Variants in SLC9A6 observed in about 807,000 individuals in gnomAD.
SLC9A6 encodes solute carrier family 9 member A6.
A neutral mutation model predicts 45.3 loss-of-function variants in SLC9A6; 6 were observed. That is an observed-to-expected ratio of 0.13 (90% CI 0.07 to 0.26). The LOEUF is 0.26. SLC9A6 is among the 10% of genes least tolerant of loss of function. SLC9A6 has a pLI of 1.00. For synonymous variants in SLC9A6, 191 were observed against 187.7 expected (o/e 1.02, Z -0.14); for missense variants, 278 against 503.7 (o/e 0.55, Z 4.29).
intron 17 of SLC9A6, 77 bp downstream of exon 17, chrX:136,040,258 T>G: frequency 1.3e-6 from 1 of 773,229 alleles, no homozygotes; most frequent in Non-Finnish European, 1.9e-6. Flanking sequence ...ACTGGTTTTA[T>G]TTTATTTTGG....
chrX:136,013,986 A>G (rs1556618981), intron 10 of SLC9A6, among the ~76,000 whole-genome samples: 1 of 112,306 alleles, frequency 8.9e-6, no homozygotes, highest in South Asian at 3.7e-4. Context: ...TCAGGGGACT[A>G]GTCAGTGGTC....
intron 11 of SLC9A6, among the ~76,000 whole-genome samples, chrX:136,019,019 A>T (rs1380433327): frequency 1.8e-5 from 2 of 111,377 alleles, no homozygotes; most frequent in African/African-American, 6.5e-5. Flanking sequence ...CACTATACTT[A>T]GTCTGGAAAC....
chrX:135,981,395 C>T (rs1310292758), upstream of SLC9A6, among the ~76,000 whole-genome samples: 1 of 111,458 alleles, frequency 9.0e-6, no homozygotes, highest in African/African-American at 3.3e-5. Context: ...CACCTCCCAC[C>T]AGGTCCCTCC....
intron 2 of SLC9A6, among the ~76,000 whole-genome samples, chrX:135,988,532 CTCTTTCTT>C (rs201422888): frequency 2.2e-5 from 2 of 89,485 alleles, no homozygotes; most frequent in Admixed American, 2.6e-4. Context: ...TTCTTTCTCT[CTCTTTCTT>C]TCTTTCTTTT....
At chrX:135,997,669 G>A (rs782054233) in intron 3 of SLC9A6, among the ~76,000 whole-genome samples, 3 of 109,441 alleles carry the variant, frequency 2.7e-5, no homozygotes, top group East Asian at 2.9e-4. Context: ...GCCCACCTCC[G>A]CCTCCCAAAG....
chrX:136,016,213 C>T lies in SLC9A6; in HGVS notation c.1081-432C>T, dbSNP rs1406543028. Among the ~76,000 whole-genome samples, 3 of 111,393 alleles carry T rather than the reference C, an allele frequency of 2.7e-5. No individual in the cohort carries two copies. The Admixed American group carries it at 2.9e-4, about 11-fold the overall frequency. ...CAGAAAGTTGAAATGAATCTTATAG[C>T]TTGCAAGAGGAAAGTATCTTGAAAC... On this transcript the variant is annotated intron_variant, in intron 10 of 17. Transcript: ENST00000630721.
chrX:135,984,875 CTT>C (rs1304810523), upstream of SLC9A6, among the ~76,000 whole-genome samples: 1 of 111,486 alleles, frequency 9.0e-6, no homozygotes, highest in Non-Finnish European at 1.9e-5. Flanking sequence ...TGAGAGATGA[CTT>C]ATATCAGATG....
chrX:136,044,851 TAGAA>T lies in SLC9A6; in HGVS notation c.*132_*135del, dbSNP rs1441755949. 8 of 587,371 alleles carry T rather than the reference TAGAA, an allele frequency of 1.4e-5. No individual in the cohort carries two copies. In the African/African-American group the frequency reaches 1.6e-4, roughly 12 times the overall value. 48.4% of individuals were successfully genotyped at this position (587,371 alleles called of 1,213,427 possible). On this transcript the variant is annotated 3_prime_UTR_variant, in exon 18 of 18. Coordinates refer to ENST00000630721, the MANE Select transcript of SLC9A6 (RefSeq NM_001379110.1). ...CTATATAAATGCTATTTATATGGCA[TAGAA>T]AGAATATAAATATCCTGTACACGGC... is the stretch of plus-strand genomic sequence containing the variant.
At chrX:136,000,719 T>C (rs2089569015) in intron 6 of SLC9A6, among the ~76,000 whole-genome samples, 1 of 112,220 alleles carries the variant, frequency 8.9e-6, no homozygotes, top group African/African-American at 3.2e-5. Context: ...GAGGTATGGG[T>C]TTCTTTTAGA....
chrX:136,009,776 G>C (rs1272696807), intron 7 of SLC9A6, among the ~76,000 whole-genome samples: 2 of 112,104 alleles, frequency 1.8e-5, no homozygotes, highest in African/African-American at 6.5e-5. Context: ...GTCTTGGCCT[G>C]GTATAGAGTG....
chrX:136,044,295 C>T (rs1458754283), intron 17 of SLC9A6, among the ~76,000 whole-genome samples, 157 bp from the exon 18 acceptor site: 4 of 110,971 alleles, frequency 3.6e-5, no homozygotes, highest in East Asian at 2.8e-4. Flanking sequence ...TGCCAAGTCA[C>T]GCTGTATTTT....
chrX:135,981,569 A>G (rs1285149412), upstream of SLC9A6, among the ~76,000 whole-genome samples: 3 of 112,048 alleles, frequency 2.7e-5, no homozygotes, highest in Admixed American at 2.8e-4. Context: ...GAAAAAGTTG[A>G]GGACTATCCA....
rs781979699 is a variant in SLC9A6, at chrX:135,986,698, T to TTTATTA, written c.169+892_169+897dup. Reference sequence around the variant, plus strand: ...TTGTGTCTCAGTCTGCTTTCTGAGGTTTATTATTATTATTATTATTATTAT... The same window carrying TTTATTA: ...TTGTGTCTCAGTCTGCTTTCTGAGGTTTATTATTATTATTATTATTATTATTATTAT... On this transcript the variant is annotated intron_variant, in intron 2 of 17. Transcript: ENST00000630721. Among the ~76,000 whole-genome samples the TTTATTA allele has an allele frequency of 4.2e-4, 46 of 109,422 alleles. 1 individual carries two copies. The highest frequency in any genetic ancestry group is 2.0e-3 in the Admixed American group (20 of 10,210).
intron 2 of SLC9A6, among the ~76,000 whole-genome samples, chrX:135,990,845 C>A (rs1480378130): frequency 2.1e-4 from 23 of 111,672 alleles, no homozygotes; most frequent in Admixed American, 1.9e-3. Context: ...GGAATTTATG[C>A]TGCCATTATT....
chrX:136,028,073 G>A (rs1422298902), intron 13 of SLC9A6, among the ~76,000 whole-genome samples: 1 of 111,862 alleles, frequency 8.9e-6, no homozygotes, highest in African/African-American at 3.3e-5. Flanking sequence ...CTTTTCCCTC[G>A]GAACCACTCT....
intron 9 of SLC9A6, 71 bp downstream of exon 9, chrX:136,013,125 T>C: frequency 1.3e-6 from 1 of 792,443 alleles, no homozygotes; most frequent in Non-Finnish European, 2.0e-6. Flanking sequence ...TTGCTCCAAG[T>C]GGATCAGCTC....
intron 3 of SLC9A6, among the ~76,000 whole-genome samples, chrX:135,995,206 C>T (rs2089481569): frequency 1.8e-5 from 2 of 112,380 alleles, no homozygotes; most frequent in South Asian, 3.6e-4. Context: ...TTTTGTTTCT[C>T]TCTGGATTGT....
chrX:135,996,988 G>A (rs375277278), intron 3 of SLC9A6, among the ~76,000 whole-genome samples: 46 of 110,628 alleles, frequency 4.2e-4, no homozygotes, highest in South Asian at 7.6e-4. Flanking sequence ...GGATGGTCTC[G>A]ATCTCCTGAC....
intron 7 of SLC9A6, among the ~76,000 whole-genome samples, chrX:136,003,698 A>T (rs2148159175): frequency 8.9e-6 from 1 of 112,327 alleles, no homozygotes; most frequent in South Asian, 3.7e-4. Flanking sequence ...CGACATTGTT[A>T]AATTGCTCAT....
Sources: allele counts gnomAD v4.1 joint callset (sites outside exome capture counted in the v4.1 genomes callset), GRCh38; gene constraint gnomAD v4.1.1; transcripts MANE v1.5; gene names NCBI Gene and HGNC (gene_info 2026-07-23, HGNC 2026-07-21).